The following ECHS1 variants were observed in gnomAD, a reference collection of about 807,000 sequenced individuals.
ECHS1 encodes the protein enoyl-CoA hydratase, mitochondrial.
In ECHS1, 19 loss-of-function variants were observed where a neutral mutation model predicts 33.5. That is an observed-to-expected ratio of 0.57 (90% CI 0.40 to 0.83). The LOEUF (loss-of-function observed/expected upper bound fraction) is 0.83. Ranked by LOEUF, ECHS1 falls within the 40% of genes least tolerant of loss-of-function variation. The pLI is 0.00. For synonymous variants in ECHS1, 158 were observed against 146.6 expected (o/e 1.08, Z -0.56); for missense variants, 365 against 381.3 (o/e 0.96, Z 0.36).
At position 133,370,777 on chromosome 10, in the gene ECHS1, A is replaced by G; in HGVS notation, c.89-20T>C. The G allele has an allele frequency of 6.2e-7, 1 of 1,600,826 alleles. No individual in the cohort carries two copies. Among genetic ancestry groups the G allele is most frequent in the Non-Finnish European group, 8.5e-7 (1 of 1,173,488 alleles). The stretch of plus-strand genomic sequence containing the variant: ...TAGCACCTGGAGCAAGAAGGCAAAA[A>G]GGGGTATCTATTCACACAGGTATCA... On this transcript the variant is annotated intron_variant, in intron 1 of 7. Coordinates refer to ENST00000368547, the MANE Select transcript of ECHS1 (RefSeq NM_004092.4).
chr10:133,363,185 A>G (rs1466995020), intron 7 of ECHS1, among the ~76,000 whole-genome samples: 2 of 152,208 alleles, frequency 1.3e-5, no homozygotes, highest in African/African-American at 4.8e-5. Flanking sequence ...CAACAAGCTC[A>G]CATCTAAAGA....
chr10:133,369,653 C>T (rs1397651942), intron 3 of ECHS1, among the ~76,000 whole-genome samples: 1 of 152,192 alleles, frequency 6.6e-6, no homozygotes, highest in Non-Finnish European at 1.5e-5. Context: ...CCAAAGCCAA[C>T]ACCTCTCTTC....
chr10:133,367,878 G>T (rs973775156), intron 4 of ECHS1, among the ~76,000 whole-genome samples: 3 of 152,134 alleles, frequency 2.0e-5, no homozygotes, highest in African/African-American at 7.2e-5. Context: ...ACCTAAGAGG[G>T]AAGGGCCCCC....
At position 133,362,547 on chromosome 10, in the gene ECHS1, A is replaced by G; in HGVS notation, c.*321T>C. 2.3e-6 allele frequency: 1 copy of G among 426,420 alleles called. No homozygotes were observed. The highest frequency in any genetic ancestry group is 4.3e-5 in the East Asian group (1 of 23,030). The allele number at this position is 426,420 out of a possible 1,614,324, so 26.4% of individuals were successfully genotyped here. A position where few individuals can be genotyped will look rare whatever the true frequency, so the allele number is the denominator to read the frequency against. On this transcript the variant is annotated 3_prime_UTR_variant, in exon 8 of 8. Coordinates refer to ENST00000368547, the MANE Select transcript of ECHS1 (RefSeq NM_004092.4). ...GAAGGCAGCAGACAGCGTTTCCCTC[A>G]GAGCAGCCCCATTCTTCAGCGGCAG...
rs558256545 is a variant in ECHS1, at chr10:133,366,687, G to C, written c.619+202C>G. 2.7e-5 allele frequency among the ~76,000 whole-genome samples: 4 copies of C among 149,212 alleles called. No homozygotes were observed. In the East Asian group the frequency reaches 7.8e-4, roughly 29 times the overall value. ...ATGGGGGACACCTGGATGCAGCTCTGGGTTTCTGTGGGGCTCCCACGAGGG... is the reference window on the plus strand; with the variant it reads ...ATGGGGGACACCTGGATGCAGCTCTCGGTTTCTGTGGGGCTCCCACGAGGG... On this transcript the variant is annotated intron_variant, in intron 5 of 7. Transcript: ENST00000368547.
intron 1 of ECHS1, among the ~76,000 whole-genome samples, chr10:133,371,364 T>C (rs1849106807): frequency 6.6e-6 from 1 of 152,126 alleles, no homozygotes; most frequent in Non-Finnish European, 1.5e-5. Flanking sequence ...CTTGGTCAGC[T>C]CTTCCCAGGA....
chr10:133,364,252 T>A (rs939326934), intron 7 of ECHS1, among the ~76,000 whole-genome samples: 23 of 152,152 alleles, frequency 1.5e-4, no homozygotes, highest in African/African-American at 5.5e-4. Flanking sequence ...CCTCATTTTT[T>A]AAAAAAGTCT....
Position 133,364,651 on chromosome 10 carries a change from T to C in ECHS1, c.807+7A>G. On this transcript the variant is annotated splice_region_variant and intron_variant, in intron 7 of 7. Coordinates refer to ENST00000368547, the MANE Select transcript of ECHS1 (RefSeq NM_004092.4). ...CTTGATTCTCCGGTTGAACACTGTT[T>C]ACTCACAGTGGCAAAGGTTGAATAA... 6.2e-7 allele frequency: 1 copy of C among 1,606,392 alleles called. No homozygotes were observed. The highest frequency in any genetic ancestry group is 2.2e-5 in the East Asian group (1 of 44,870).
chr10:133,369,105 T>G (rs1849071308), intron 3 of ECHS1, 83 bp from the exon 4 acceptor site: 19 of 1,361,818 alleles, frequency 1.4e-5, no homozygotes, highest in Middle Eastern at 1.8e-4. Context: ...AATTTTCCAT[T>G]TAAAAGAAAC....
Position 133,368,925 on chromosome 10 carries a change from G to A in ECHS1, c.512C>T (p.Pro171Leu). Residue 171 changes from proline (P) to leucine (L), a missense_variant and splice_region_variant, in exon 4 of 8, where the codon CCA (proline) becomes CTA (leucine). Physicochemically the swap from Pro to Leu is moderately conservative, Grantham distance 98. Transcript: ENST00000368547. ...CCAGAGACAGTGTCACTCTTTACCT[G>A]GGATGGTTCCTATTAAGATCTCCGG... ...AQPEILIGTIPGAGGTQRLTR... is the reference protein window; with the variant it reads ...AQPEILIGTILGAGGTQRLTR... 4 of 1,613,228 alleles carry A rather than the reference G, an allele frequency of 2.5e-6. No homozygotes were observed. The highest frequency in any genetic ancestry group is 3.4e-6 in the Non-Finnish European group (4 of 1,179,566).
In ECHS1 at chr10:133,369,200, G is replaced by A. The variant is rs1179359480; in HGVS notation, c.415-178C>T. On this transcript the variant is annotated intron_variant, in intron 3 of 7. Coordinates refer to ENST00000368547, the MANE Select transcript of ECHS1 (RefSeq NM_004092.4). The stretch of plus-strand genomic sequence containing the variant: ...AAGTTAACTACAGATGGTTGATGCT[G>A]TTTACCAGGGGCTGGCAAACATCCT... Among the ~76,000 whole-genome samples the A allele has an allele frequency of 1.8e-4, 28 of 152,182 alleles. No individual in the cohort carries two copies. The highest frequency in any genetic ancestry group is 4.0e-4 in the Non-Finnish European group (27 of 68,048).
At position 133,373,304 on chromosome 10, in the gene ECHS1, G is replaced by A. The variant is rs1461220479; in HGVS notation, c.30C>T (p.Cys10=). 1 of 1,494,456 alleles carries A rather than the reference G, an allele frequency of 6.7e-7. No homozygotes were observed. The highest frequency in any genetic ancestry group is 8.9e-7 in the Non-Finnish European group (1 of 1,128,220). 92.6% of individuals were successfully genotyped at this position (1,494,456 alleles called of 1,614,324 possible). The change falls in exon 1 of 8, where the codon TGC becomes TGT. Residue 10 remains cysteine (C), a synonymous_variant. Transcript: ENST00000368547. The part of the protein sequence containing the change: MAALRVLLS[C]VRGPLRPPVR... Reference sequence around the variant, plus strand: ...CCGGGGGCCTCAGCGGGCCGCGGACGCAGGACAGCAGGACACGCAGGGCGG... The same window carrying A: ...CCGGGGGCCTCAGCGGGCCGCGGACACAGGACAGCAGGACACGCAGGGCGG...
chr10:133,365,872 G>A, intron 6 of ECHS1, 104 bp downstream of exon 6: 3 of 1,415,246 alleles, frequency 2.1e-6, no homozygotes, highest in Non-Finnish European at 2.9e-6. Context: ...TTTCTGCCCA[G>A]GAGGGCTTAA....
intron 4 of ECHS1, 120 bp downstream of exon 4, chr10:133,368,803 C>T: frequency 1.1e-6 from 1 of 903,032 alleles, no homozygotes; most frequent in African/African-American, 1.7e-5. Context: ...GGACCACTGA[C>T]CAGCCATGGG....
At chr10:133,369,358 T>C (rs1256428648) in intron 3 of ECHS1, among the ~76,000 whole-genome samples, 1 of 29,616 alleles carries the variant, frequency 3.4e-5, no homozygotes, top group East Asian at 7.5e-3. Flanking sequence ...CGCAGACCCC[T>C]GGCTTACACG....
intron 1 of ECHS1, 125 bp from the exon 2 acceptor site, chr10:133,370,882 G>C (rs895733276): frequency 2.3e-6 from 2 of 888,688 alleles, no homozygotes; most frequent in Admixed American, 3.2e-5. Context: ...AGGGCTCCCT[G>C]CCGAGTCCTC....
intron 6 of ECHS1, among the ~76,000 whole-genome samples, chr10:133,365,087 C>A (rs992646741): frequency 6.6e-6 from 1 of 152,372 alleles, no homozygotes; most frequent in East Asian, 1.9e-4. Context: ...AAGGACAGCA[C>A]GAGAGCCAGA....
intron 4 of ECHS1, among the ~76,000 whole-genome samples, chr10:133,367,616 A>G (rs1023441056): frequency 6.6e-6 from 1 of 151,842 alleles, no homozygotes; most frequent in Non-Finnish European, 1.5e-5. Context: ...CTGCTCCACC[A>G]GCTTCTTGTG....
chr10:133,370,971 GAACATGTCCTA>G (rs1307074034), intron 1 of ECHS1, among the ~76,000 whole-genome samples: 40 of 152,302 alleles, frequency 2.6e-4, no homozygotes, highest in African/African-American at 8.2e-4. Context: ...ACATGTGTTT[GAACATGTCCTA>G]AAGAAAATCC....
Sources: gnomAD v4.1 joint callset for allele counts (sites outside exome capture counted in the v4.1 genomes callset) on GRCh38, gnomAD v4.1.1 for gene constraint, MANE v1.5 for transcripts, NCBI Gene and HGNC (gene_info 2026-07-23, HGNC 2026-07-21) for gene names.